Variants in DAB1 observed in about 807,000 individuals in gnomAD.
DAB1 encodes the protein disabled homolog 1.
A neutral mutation model predicts 64.6 loss-of-function variants in DAB1; 15 were observed. That is an observed-to-expected ratio of 0.23 (90% CI 0.16 to 0.36). DAB1 has a LOEUF of 0.36. Among genes scored for constraint, DAB1 ranks in the 10% least tolerant of loss-of-function variants. DAB1 has a pLI of 1.00. For synonymous variants in DAB1, 235 were observed against 251.9 expected, an observed-to-expected ratio of 0.93 and a Z score of 0.64; for missense variants, 596 against 706.7, an observed-to-expected ratio of 0.84 and a Z score of 1.78.
At chr1:57,930,807 A>G (rs1056547845) in intron 5 of DAB1, among the ~76,000 whole-genome samples, 1 of 152,160 alleles carries the variant, frequency 6.6e-6, no homozygotes, top group Non-Finnish European at 1.5e-5. Context: ...ATCTCCAAAC[A>G]AAGACAGTTC....
At chr1:57,078,487 A>T (rs1652191999) in intron 4 of DAB1, among the ~76,000 whole-genome samples, 2 of 152,198 alleles carry the variant, frequency 1.3e-5, no homozygotes. Flanking sequence ...ATGAAATGAG[A>T]TACCATTTTT....
intron 7 of DAB1, among the ~76,000 whole-genome samples, chr1:57,496,226 AC>A (rs1644228247): frequency 6.6e-6 from 1 of 152,102 alleles, no homozygotes; most frequent in Non-Finnish European, 1.5e-5. Flanking sequence ...TTACCTCCCC[AC>A]CCTGCCTCTG....
chr1:58,097,911 G>GACCC (rs1651085984), intron 5 of DAB1, among the ~76,000 whole-genome samples: 1 of 152,190 alleles, frequency 6.6e-6, no homozygotes, highest in Non-Finnish European at 1.5e-5. Flanking sequence ...CCTGGCACAA[G>GACCC]ACCCTAGCTG....
chr1:57,986,989 A>G (rs1392874570), intron 5 of DAB1, among the ~76,000 whole-genome samples: 4 of 152,202 alleles, frequency 2.6e-5, no homozygotes, highest in African/African-American at 9.6e-5. Flanking sequence ...GTTCAAGGTC[A>G]CTCAGCTTGT....
intron 7 of DAB1, among the ~76,000 whole-genome samples, chr1:57,504,733 G>C (rs1422198536): frequency 6.6e-6 from 1 of 152,146 alleles, no homozygotes; most frequent in Non-Finnish European, 1.5e-5. Flanking sequence ...CTTTTGAGTG[G>C]AGAAGCCGGA....
intron 4 of DAB1, among the ~76,000 whole-genome samples, chr1:58,242,379 G>T (rs1660336781): frequency 6.6e-6 from 1 of 151,992 alleles, no homozygotes; most frequent in African/African-American, 2.4e-5. Flanking sequence ...AAGCAAAAAA[G>T]CTGTATTAAA....
At chr1:58,022,645 T>A (rs953496212) in intron 5 of DAB1, among the ~76,000 whole-genome samples, 1 of 152,174 alleles carries the variant, frequency 6.6e-6, no homozygotes, top group Non-Finnish European at 1.5e-5. Flanking sequence ...TTTCCTGCTG[T>A]CCCCTTAAAA....
intron 7 of DAB1, among the ~76,000 whole-genome samples, chr1:57,623,983 T>A (rs1273942060): frequency 6.6e-6 from 1 of 152,226 alleles, no homozygotes; most frequent in East Asian, 1.9e-4. Flanking sequence ...AAGCAGGCTA[T>A]GAAGACTTTG....
chr1:58,285,480 CAAAATCAATGTGTA>C (rs1661660095), intron 4 of DAB1, among the ~76,000 whole-genome samples: 1 of 152,092 alleles, frequency 6.6e-6, no homozygotes, highest in South Asian at 2.1e-4. Flanking sequence ...CTTCAGGATA[CAAAATCAATGTGTA>C]AAAATCACAA....
intron 4 of DAB1, among the ~76,000 whole-genome samples, chr1:58,231,993 G>A (rs563192935): frequency 1.3e-5 from 2 of 152,272 alleles, no homozygotes; most frequent in South Asian, 4.1e-4. Flanking sequence ...ATCCATGTTT[G>A]TCTAACTCTA....
At chr1:57,870,238 T>C (rs1239064910) in intron 1 of DAB1, among the ~76,000 whole-genome samples, 1 of 152,134 alleles carries the variant, frequency 6.6e-6, no homozygotes, top group Non-Finnish European at 1.5e-5. Context: ...TAGACCTATG[T>C]GTATGTCTAG....
chr1:58,490,244 T>C (rs567227501), intron 3 of DAB1, among the ~76,000 whole-genome samples: 5 of 152,258 alleles, frequency 3.3e-5, no homozygotes, highest in Non-Finnish European at 7.4e-5. Context: ...GAGAAGTCCT[T>C]AAAGGACCTG....
At chr1:57,516,626 ATG>A (rs1644466905) in intron 7 of DAB1, among the ~76,000 whole-genome samples, 8 of 152,148 alleles carry the variant, frequency 5.3e-5, no homozygotes, top group Non-Finnish European at 1.5e-5. Flanking sequence ...TTCCTACAGA[ATG>A]AAGTTCATCA....
chr1:58,483,437 A>G (rs1162228848), intron 3 of DAB1, among the ~76,000 whole-genome samples: 1 of 152,226 alleles, frequency 6.6e-6, no homozygotes, highest in African/African-American at 2.4e-5. Flanking sequence ...GCTTGGGTCT[A>G]GGAGCACTTC....
At chr1:57,678,297 T>G (rs148536058) in intron 6 of DAB1, among the ~76,000 whole-genome samples, 269 of 152,294 alleles carry the variant, frequency 1.8e-3, no homozygotes, top group South Asian at 5.4e-3. Context: ...AGAGCATGCA[T>G]TGAGAACTAA....
chr1:57,045,768 T>A (rs927678168), intron 9 of DAB1, among the ~76,000 whole-genome samples: 1 of 151,912 alleles, frequency 6.6e-6, no homozygotes, highest in Non-Finnish European at 1.5e-5. Context: ...CAGCATGTAA[T>A]GGTGAAAAAA....
intron 5 of DAB1, among the ~76,000 whole-genome samples, chr1:58,018,868 G>T (rs1646779149): frequency 6.6e-6 from 1 of 152,266 alleles, no homozygotes; most frequent in East Asian, 1.9e-4. Context: ...AAAGGAAAAA[G>T]AATTCCAATC....
Position 58,465,314 on chromosome 1 carries a change from G to C in DAB1, n.257+40746C>G, listed in dbSNP as rs112145670. Among the ~76,000 whole-genome samples the C allele has an allele frequency of 4.6e-3, 705 of 152,288 alleles. 6 individuals are homozygous for C. Among genetic ancestry groups the C allele is most frequent in the African/African-American group, 0.016 (672 of 41,566 alleles). On this transcript the variant is annotated intron_variant and non_coding_transcript_variant, in intron 3 of 20. Transcript: ENST00000485760. The stretch of plus-strand genomic sequence containing the variant: ...CAGGCAAACGCCCTGCATGACCCTA[G>C]AGAGTGGCTGACCCTGGGTTTGAGC...
intron 11 of DAB1, among the ~76,000 whole-genome samples, chr1:57,016,997 TC>T (rs1259108210): frequency 1.3e-5 from 2 of 152,046 alleles, no homozygotes; most frequent in African/African-American, 4.8e-5. Flanking sequence ...AGGTTGTCTG[TC>T]CCCCCAAAGC....
Sources: gnomAD v4.1 joint callset for allele counts (sites outside exome capture counted in the v4.1 genomes callset) on GRCh38, gnomAD v4.1.1 for gene constraint, MANE v1.5 for transcripts, NCBI Gene and HGNC (gene_info 2026-07-23, HGNC 2026-07-21) for gene names.